SERPINB6: variants seen among roughly 807,000 people sequenced by gnomAD.
SERPINB6 encodes the protein serpin family B member 6, also known as serpin B6.
SERPINB6 carries 16 observed loss-of-function variants against 26.1 expected under a neutral mutation model. The observed-to-expected ratio is 0.61, with a 90% CI of 0.42 to 0.93. SERPINB6 has a LOEUF of 0.93. Among genes scored for constraint, SERPINB6 ranks in the 40% least tolerant of loss-of-function variants. The pLI, the probability that SERPINB6 is intolerant of heterozygous loss-of-function variation, is 0.00. For synonymous variants in SERPINB6, 174 were observed against 176.6 expected (o/e 0.99, Z 0.11); for missense variants, 420 against 478.0 (o/e 0.88, Z 1.13).
At chr6:2,966,479 G>A (rs1444121248) in intron 1 of SERPINB6, 4 of 906,390 alleles carry the variant, frequency 4.4e-6, no homozygotes, top group Admixed American at 6.2e-5. Context: ...AGCAGCAGGT[G>A]AGCGAACATC....
intron 1 of SERPINB6, chr6:2,962,155 CCA>C: frequency 1.0e-6 from 1 of 985,466 alleles, no homozygotes; most frequent in Non-Finnish European, 1.2e-6. Flanking sequence ...CAAAGCAAAG[CCA>C]CCTTTGTCTG....
At chr6:2,949,800 A>G (rs1032628609) in intron 5 of SERPINB6, among the ~76,000 whole-genome samples, 1 of 152,108 alleles carries the variant, frequency 6.6e-6, no homozygotes, top group Non-Finnish European at 1.5e-5. Context: ...CAGGAGCTGA[A>G]AGTCCCTAAA....
chr6:2,958,908 C>G (rs1439817542), intron 2 of SERPINB6, among the ~76,000 whole-genome samples: 1 of 152,118 alleles, frequency 6.6e-6, no homozygotes, highest in Non-Finnish European at 1.5e-5. Flanking sequence ...CATCTACAAA[C>G]TCACGAACAA....
In SERPINB6 at chr6:2,959,456, A is replaced by T. The variant is rs920124933; in HGVS notation, c.-10-114T>A. On this transcript the variant is annotated intron_variant, in intron 1 of 6. Transcript: ENST00000380539. ...TGTGGTTCAGTGGGCAAGCAGAAACACACACAGAACTCTGGCTGTTTCTTT... is the reference window on the plus strand; with the variant it reads ...TGTGGTTCAGTGGGCAAGCAGAAACTCACACAGAACTCTGGCTGTTTCTTT... 4 of 977,936 alleles carry T rather than the reference A, an allele frequency of 4.1e-6. No homozygotes were observed. In the African/African-American group the frequency reaches 6.3e-5, roughly 16 times the overall value. 60.6% of individuals were successfully genotyped at this position (977,936 alleles called of 1,614,324 possible). A position where few individuals can be genotyped will look rare whatever the true frequency, so the allele number is the denominator to read the frequency against.
At chr6:2,958,091 G>T (rs1055615231) in intron 2 of SERPINB6, 3 of 152,198 alleles carry the variant, frequency 2.0e-5, no homozygotes, top group African/African-American at 7.2e-5. Flanking sequence ...TTGCAGAGAG[G>T]GCCTTTACAG....
At chr6:2,963,982 G>C (rs1771383488) in intron 1 of SERPINB6, 2 of 152,210 alleles carry the variant, frequency 1.3e-5, no homozygotes, top group South Asian at 4.1e-4. Flanking sequence ...AAAACACCAG[G>C]AACACCTGTC....
intron 1 of SERPINB6, among the ~76,000 whole-genome samples, chr6:2,966,065 T>G (rs911719712): frequency 6.6e-6 from 1 of 152,092 alleles, no homozygotes; most frequent in East Asian, 1.9e-4. Flanking sequence ...TTTTCCTCTA[T>G]CTGAGTTGCA....
chr6:2,948,368 G>T lies in SERPINB6; in HGVS notation c.1061C>A (p.Pro354His). 1.2e-6 allele frequency: 2 copies of T among 1,614,136 alleles called. No homozygotes were observed. Among genetic ancestry groups the T allele is most frequent in the Non-Finnish European group, 1.7e-6 (2 of 1,180,026 alleles). ...GCTGTGCTGGATGAAGAAAAGGAAG[G>T]GGTGGTCGGCGCAGAAGCGGGGGAC... is the stretch of plus-strand genomic sequence containing the variant. ...RFVPRFCADHPFLFFIQHSKT... is the reference protein window; with the variant it reads ...RFVPRFCADHHFLFFIQHSKT... The change falls in exon 7 of 7, where the codon CCC (proline) becomes CAC (histidine). Residue 354 changes from proline to histidine, a missense_variant. Transcript: ENST00000380539. This position sits in a 1 kb window ranked among gnomAD's most constrained non-coding sequence, Gnocchi z 5.0.
chr6:2,966,480 A>ATGTTCGCTCACCT, intron 1 of SERPINB6: 1 of 894,502 alleles, frequency 1.1e-6, no homozygotes. Context: ...GCAGCAGGTG[A>ATGTTCGCTCACCT]GCGAACATCA....
At chr6:2,955,969 G>A (rs913273808) in intron 2 of SERPINB6, 3 of 309,448 alleles carry the variant, frequency 9.7e-6, no homozygotes, top group Non-Finnish European at 1.9e-5. Flanking sequence ...CCAGCTACTC[G>A]GGAAGCTGAG....
intron 1 of SERPINB6, chr6:2,969,441 A>T: frequency 1.0e-6 from 1 of 966,162 alleles, no homozygotes; most frequent in Non-Finnish European, 1.2e-6. Context: ...ATTTAAAAAT[A>T]AAAAATGATA....
At chr6:2,959,675 T>C in intron 1 of SERPINB6, 7 of 383,306 alleles carry the variant, frequency 1.8e-5, no homozygotes, top group Non-Finnish European at 1.5e-5. Flanking sequence ...CACTGGCTTT[T>C]GCTTCTATGT....
Position 2,953,108 on chromosome 6 carries a change from C to G in SERPINB6, c.509G>C (p.Arg170Thr). The change falls in exon 5 of 7, where the codon AGA (arginine) becomes ACA (threonine). Residue 170 changes from arginine (R) to threonine (T), a missense_variant. Coordinates refer to ENST00000380539, the MANE Select transcript of SERPINB6 (RefSeq NM_004568.6). ...RLVLVNAVYF[R>T]GNWDEQFDKE... ...GTCAAACTGTTCATCCCAGTTTCCTCTGAAATAGACAGCATTCACCAGAAC... is the reference window on the plus strand; with the variant it reads ...GTCAAACTGTTCATCCCAGTTTCCTGTGAAATAGACAGCATTCACCAGAAC... 6.2e-7 allele frequency: 1 copy of G among 1,614,232 alleles called. No homozygotes were observed. Among genetic ancestry groups the G allele is most frequent in the Non-Finnish European group, 8.5e-7 (1 of 1,180,036 alleles).
intron 1 of SERPINB6, chr6:2,966,517 T>C: frequency 1.9e-6 from 1 of 517,472 alleles, no homozygotes; most frequent in Non-Finnish European, 2.5e-6. Flanking sequence ...TCCTGTTAGG[T>C]CAGTGGCAGC....
intron 1 of SERPINB6, chr6:2,971,260 C>A: frequency 1.2e-6 from 1 of 844,406 alleles, no homozygotes; most frequent in Non-Finnish European, 1.4e-6. Flanking sequence ...GGCCGCGTCG[C>A]CGTTCTCTGC....
intron 5 of SERPINB6, among the ~76,000 whole-genome samples, chr6:2,951,250 G>A (rs1450861570): frequency 1.3e-5 from 2 of 152,100 alleles, no homozygotes; most frequent in Non-Finnish European, 2.9e-5. Flanking sequence ...GCCGGGCATA[G>A]TGGCACACAC....
Position 2,948,585 on chromosome 6 carries a change from T to C in SERPINB6, c.844A>G (p.Met282Val), listed in dbSNP as rs200574376. ...CCCAGGTTGCGCAGGACACTCTCCA[T>C]GTCGTAGCTTTCCTCTAGTTTAAAC... ...PRFKLEESYD[M>V]ESVLRNLGMT... Residue 282 changes from methionine to valine, a missense_variant, in exon 7 of 7, where the codon ATG (methionine) becomes GTG (valine). Physicochemically the swap from Met to Val is conservative, Grantham distance 21. Coordinates refer to ENST00000380539, the MANE Select transcript of SERPINB6 (RefSeq NM_004568.6). The surrounding 1 kb of genome is among the most constrained non-coding windows in gnomAD (Gnocchi z 5.0). 11 of 1,614,214 alleles carry C rather than the reference T, an allele frequency of 6.8e-6. No individual in the cohort carries two copies. The East Asian group carries it at 2.5e-4, about 36-fold the overall frequency.
chr6:2,969,621 A>T (rs959856578), intron 1 of SERPINB6: 36 of 982,490 alleles, frequency 3.7e-5, no homozygotes, highest in Non-Finnish European at 4.2e-5. Context: ...TCAAGTCTTA[A>T]TTTTTTTTTA....
rs748178838 is a variant in SERPINB6, at chr6:2,948,376, G to A, written c.1053C>T (p.Ala351=). 4.0e-5 allele frequency: 64 copies of A among 1,614,038 alleles called. No homozygotes were observed. The highest frequency in any genetic ancestry group is 1.6e-4 in the Middle Eastern group (1 of 6,082). Reference sequence around the variant, plus strand: ...GGATGAAGAAAAGGAAGGGGTGGTCGGCGCAGAAGCGGGGGACGAATCTGG... The same window carrying A: ...GGATGAAGAAAAGGAAGGGGTGGTCAGCGCAGAAGCGGGGGACGAATCTGG... ...RCARFVPRFC[A]DHPFLFFIQH... Residue 351 remains alanine, a synonymous_variant, in exon 7 of 7, where the codon GCC becomes GCT. Coordinates refer to ENST00000380539, the MANE Select transcript of SERPINB6 (RefSeq NM_004568.6). The surrounding 1 kb of genome is among the most constrained non-coding windows in gnomAD (Gnocchi z 5.0).
Sources: allele counts gnomAD v4.1 joint callset (sites outside exome capture counted in the v4.1 genomes callset), GRCh38; gene constraint gnomAD v4.1.1; non-coding constraint Gnocchi (gnomAD v3.1); transcripts MANE v1.5; gene names NCBI Gene and HGNC (gene_info 2026-07-23, HGNC 2026-07-21).